Variants in SCG5 observed in about 807,000 individuals in gnomAD.
SCG5 encodes neuroendocrine protein 7B2.
In SCG5, 18 loss-of-function variants were observed where a neutral mutation model predicts 25.7. That is an observed-to-expected ratio of 0.70 (90% CI 0.48 to 1.04). The LOEUF is 1.04. SCG5 is among the 50% of genes least tolerant of loss of function. The probability of loss-of-function intolerance (pLI) is 0.00; values close to 1 mark genes in which losing one functional copy is unlikely to be tolerated. For synonymous variants in SCG5, 101 were observed against 91.7 expected, an observed-to-expected ratio of 1.10 and a Z score of -0.58; for missense variants, 206 against 259.8, an observed-to-expected ratio of 0.79 and a Z score of 1.42.
At chr15:32,654,686 G>A (rs1194011708) in intron 2 of SCG5, among the ~76,000 whole-genome samples, 1 of 151,950 alleles carries the variant, frequency 6.6e-6, no homozygotes, top group African/African-American at 2.4e-5. Context: ...TGATGATGAG[G>A]AAGAGCTTGC....
intron 2 of SCG5, among the ~76,000 whole-genome samples, chr15:32,659,107 C>T (rs1158856206): frequency 1.3e-5 from 2 of 151,864 alleles, no homozygotes; most frequent in African/African-American, 2.4e-5. Flanking sequence ...ACCTGGGAGG[C>T]GGAGCTGGCA....
At chr15:32,659,078 A>T (rs1333693740) in intron 2 of SCG5, among the ~76,000 whole-genome samples, 1 of 152,138 alleles carries the variant, frequency 6.6e-6, no homozygotes, top group East Asian at 1.9e-4. Context: ...CGGGAGGCTG[A>T]GGCAGGAGAA....
At chr15:32,678,199 T>C (rs113077690) in intron 2 of SCG5, among the ~76,000 whole-genome samples, 49 of 152,268 alleles carry the variant, frequency 3.2e-4, no homozygotes, top group African/African-American at 1.1e-3. Context: ...GGAATAAAAA[T>C]GACAAATCTG....
intron 2 of SCG5, among the ~76,000 whole-genome samples, chr15:32,647,779 G>A (rs1264520282): frequency 1.3e-5 from 2 of 152,208 alleles, no homozygotes; most frequent in East Asian, 3.8e-4. Context: ...AGGAAATGTA[G>A]TCCTTAAATA....
intron 2 of SCG5, among the ~76,000 whole-genome samples, chr15:32,672,557 C>T (rs2054448229): frequency 6.6e-6 from 1 of 152,216 alleles, no homozygotes; most frequent in African/African-American, 2.4e-5. Context: ...GTCACTGACA[C>T]CGGAGATCCC....
intron 2 of SCG5, among the ~76,000 whole-genome samples, chr15:32,672,559 G>A (rs1211370898): frequency 2.6e-5 from 4 of 152,210 alleles, no homozygotes; most frequent in Non-Finnish European, 4.4e-5. Flanking sequence ...CACTGACACC[G>A]GAGATCCCCT....
chr15:32,659,636 A>C (rs993846721), intron 2 of SCG5, among the ~76,000 whole-genome samples: 1 of 152,230 alleles, frequency 6.6e-6, no homozygotes, highest in Non-Finnish European at 1.5e-5. Flanking sequence ...CCAGGAGGCT[A>C]GCCTGCCCTG....
At chr15:32,648,537 C>T (rs942809893) in intron 2 of SCG5, among the ~76,000 whole-genome samples, 2 of 152,086 alleles carry the variant, frequency 1.3e-5, no homozygotes, top group African/African-American at 2.4e-5. Context: ...CCATGACCTA[C>T]GAGGATCCAC....
chr15:32,695,063 T>C (rs2054930746), intron 5 of SCG5, among the ~76,000 whole-genome samples: 1 of 151,704 alleles, frequency 6.6e-6, no homozygotes, highest in Non-Finnish European at 1.5e-5. Context: ...TCGCCCAGGC[T>C]GGACTGCAGT....
At chr15:32,684,396 A>G (rs1182414031) in intron 3 of SCG5, 161 bp from the exon 4 acceptor site, 1 of 607,414 alleles carries the variant, frequency 1.6e-6, no homozygotes, top group Non-Finnish European at 2.9e-6. Flanking sequence ...GAGTAATCCT[A>G]TCTAACTGGA....
At chr15:32,692,905 C>T (rs757421713) in intron 5 of SCG5, among the ~76,000 whole-genome samples, 7 of 152,104 alleles carry the variant, frequency 4.6e-5, no homozygotes, top group South Asian at 2.1e-4. Context: ...CAATTTTCTA[C>T]GCGAGAAGTA....
chr15:32,653,745 T>A (rs2054070528), intron 2 of SCG5, among the ~76,000 whole-genome samples: 1 of 152,226 alleles, frequency 6.6e-6, no homozygotes, highest in Non-Finnish European at 1.5e-5. Flanking sequence ...AGTCCACCCG[T>A]ATTATAGAGA....
At chr15:32,654,200 G>A (rs1330076513) in intron 2 of SCG5, among the ~76,000 whole-genome samples, 1 of 152,172 alleles carries the variant, frequency 6.6e-6, no homozygotes, top group African/African-American at 2.4e-5. Flanking sequence ...AGACTAGGTG[G>A]CTTAAATAAC....
chr15:32,678,794 T>C (rs867528236), intron 2 of SCG5, among the ~76,000 whole-genome samples: 1 of 152,226 alleles, frequency 6.6e-6, no homozygotes, highest in Non-Finnish European at 1.5e-5. Context: ...GTTAATATGT[T>C]GTAGTACAGC....
At chr15:32,648,419 T>G (rs550400837) in intron 2 of SCG5, among the ~76,000 whole-genome samples, 43 of 152,218 alleles carry the variant, frequency 2.8e-4, no homozygotes, top group Non-Finnish European at 5.1e-4. Flanking sequence ...AGTTAAACTT[T>G]TTTCAGGAGT....
At chr15:32,655,579 C>T (rs76348103) in intron 2 of SCG5, among the ~76,000 whole-genome samples, 5,752 of 152,190 alleles carry the variant, frequency 0.038, 403 homozygotes, top group African/African-American at 0.13. Flanking sequence ...ATGCTATGGT[C>T]TGAATGTTTG....
intron 2 of SCG5, among the ~76,000 whole-genome samples, chr15:32,655,255 C>T (rs901584483): frequency 6.6e-6 from 1 of 152,046 alleles, no homozygotes; most frequent in Non-Finnish European, 1.5e-5. Flanking sequence ...TTGCAGTGAG[C>T]CGAGATCGTG....
intron 3 of SCG5, among the ~76,000 whole-genome samples, chr15:32,683,595 G>A (rs889472086): frequency 1.6e-4 from 25 of 152,316 alleles, no homozygotes; most frequent in African/African-American, 5.8e-4. Flanking sequence ...TATGTGCCGG[G>A]TGTTCTAAAT....
chr15:32,694,786 T>G (rs1317248241), intron 5 of SCG5, among the ~76,000 whole-genome samples: 1 of 152,256 alleles, frequency 6.6e-6, no homozygotes, highest in African/African-American at 2.4e-5. Flanking sequence ...AGTCGGACCT[T>G]TCACGATTCA....
Sources: gnomAD v4.1 joint callset for allele counts (sites outside exome capture counted in the v4.1 genomes callset) on GRCh38, gnomAD v4.1.1 for gene constraint, MANE v1.5 for transcripts, NCBI Gene and HGNC (gene_info 2026-07-23, HGNC 2026-07-21) for gene names.